ZC3H12B: variants seen among roughly 807,000 people sequenced by gnomAD.
ZC3H12B encodes the protein probable ribonuclease ZC3H12B.
ZC3H12B carries 7 observed loss-of-function variants against 43.9 expected under a neutral mutation model. That is an observed-to-expected ratio of 0.16 (90% CI 0.09 to 0.30). The LOEUF (loss-of-function observed/expected upper bound fraction) is 0.30. Among genes scored for constraint, ZC3H12B ranks in the 10% least tolerant of loss-of-function variants. The pLI is 1.00. For missense variants in ZC3H12B, 475 were observed against 670.2 expected, an observed-to-expected ratio of 0.71 and a Z score of 3.22; for synonymous variants, 222 against 241.7, an observed-to-expected ratio of 0.92 and a Z score of 0.76.
intron 2 of ZC3H12B, among the ~76,000 whole-genome samples, chrX:65,396,175 A>G (rs901066930): frequency 5.4e-5 from 6 of 111,243 alleles, no homozygotes; most frequent in Non-Finnish European, 7.5e-5. Flanking sequence ...TCATGTCTCT[A>G]TCTTCTTCAG....
chrX:65,232,062 C>A, the ZC3H12B span, among the ~76,000 whole-genome samples: 3 of 100,738 alleles, frequency 3.0e-5, no homozygotes, highest in African/African-American at 1.3e-4. Flanking sequence ...GGTGAAACCC[C>A]GTCTCTACTA....
the ZC3H12B span, among the ~76,000 whole-genome samples, chrX:65,119,881 T>C: frequency 4.5e-5 from 5 of 111,830 alleles, no homozygotes; most frequent in East Asian, 2.8e-4. Flanking sequence ...CCAGTTTTCC[T>C]AGCACCATTT....
the ZC3H12B span, among the ~76,000 whole-genome samples, chrX:65,070,998 T>G: frequency 9.2e-6 from 1 of 108,798 alleles, no homozygotes; most frequent in Admixed American, 9.9e-5. Flanking sequence ...GGTCCTGAAT[T>G]TTTTTGTTAT....
chrX:65,074,115 T>G, the ZC3H12B span, among the ~76,000 whole-genome samples: 1 of 111,972 alleles, frequency 8.9e-6, no homozygotes, highest in African/African-American at 3.2e-5. Flanking sequence ...TTTTCTATTA[T>G]CTTTTCATAT....
chrX:65,058,889 A>G, the ZC3H12B span, among the ~76,000 whole-genome samples: 1 of 112,035 alleles, frequency 8.9e-6, no homozygotes, highest in Non-Finnish European at 1.9e-5. Flanking sequence ...CGCGGGATAT[A>G]ATCTTCTGGT....
chrX:65,206,105 C>G, the ZC3H12B span, among the ~76,000 whole-genome samples: 1 of 111,970 alleles, frequency 8.9e-6, no homozygotes, highest in Admixed American at 9.5e-5. Flanking sequence ...TCTACAAATT[C>G]AATGCAATTT....
At chrX:65,192,330 G>A in the ZC3H12B span, among the ~76,000 whole-genome samples, 1 of 111,474 alleles carries the variant, frequency 9.0e-6, no homozygotes, top group Non-Finnish European at 1.9e-5. Context: ...ATTCCAATTT[G>A]GATACCCTTT....
the ZC3H12B span, among the ~76,000 whole-genome samples, chrX:65,158,932 C>G: frequency 1.8e-5 from 2 of 111,890 alleles, no homozygotes; most frequent in Non-Finnish European, 3.8e-5. Context: ...TTTAATCCAT[C>G]TTGAATAAAT....
the ZC3H12B span, among the ~76,000 whole-genome samples, chrX:65,195,840 G>A: frequency 1.8e-5 from 2 of 112,308 alleles, no homozygotes; most frequent in Non-Finnish European, 3.8e-5. Flanking sequence ...CAGGGAGTTG[G>A]CAGAAGTTTA....
chrX:65,111,482 A>G, the ZC3H12B span, among the ~76,000 whole-genome samples: 2 of 110,672 alleles, frequency 1.8e-5, no homozygotes, highest in Non-Finnish European at 3.8e-5. Context: ...GGATATATAT[A>G]TACTTTGTCT....
At chrX:65,332,430 G>A in the ZC3H12B span, among the ~76,000 whole-genome samples, 1 of 111,873 alleles carries the variant, frequency 8.9e-6, no homozygotes, top group African/African-American at 3.2e-5. Context: ...TACACAAAGA[G>A]TGCAACTGCA....
the ZC3H12B span, among the ~76,000 whole-genome samples, chrX:65,243,882 A>T: frequency 8.9e-6 from 1 of 112,188 alleles, no homozygotes; most frequent in African/African-American, 3.2e-5. Flanking sequence ...AGAAAGTCAG[A>T]TACTACTTAT....
intron 3 of ZC3H12B, among the ~76,000 whole-genome samples, chrX:65,462,508 TAAATA>T (rs1198163233): frequency 9.0e-6 from 1 of 111,669 alleles, no homozygotes; most frequent in African/African-American, 3.3e-5. Context: ...CTCAAAAAAA[TAAATA>T]AAATAAAATA....
At chrX:65,471,728 G>A (rs1368544510) in intron 3 of ZC3H12B, among the ~76,000 whole-genome samples, 4 of 110,946 alleles carry the variant, frequency 3.6e-5, no homozygotes, top group African/African-American at 9.8e-5. Flanking sequence ...TGGGATTACA[G>A]GGATAAGCCA....
the ZC3H12B span, among the ~76,000 whole-genome samples, chrX:65,343,668 A>G: frequency 8.9e-6 from 1 of 112,273 alleles, no homozygotes; most frequent in Non-Finnish European, 1.9e-5. Context: ...TTATTGAAAG[A>G]ACATACATGA....
the ZC3H12B span, among the ~76,000 whole-genome samples, chrX:65,301,353 G>C: frequency 9.0e-6 from 1 of 110,559 alleles, no homozygotes; most frequent in Non-Finnish European, 1.9e-5. Context: ...AGGAAAAGAA[G>C]TCATTATACA....
the ZC3H12B span, among the ~76,000 whole-genome samples, chrX:65,155,392 C>G: frequency 1.3e-4 from 15 of 111,426 alleles, no homozygotes; most frequent in Middle Eastern, 4.6e-3. Flanking sequence ...CCAGATTTTT[C>G]AAAGTAACAC....
the ZC3H12B span, among the ~76,000 whole-genome samples, chrX:65,323,632 T>C: frequency 8.9e-6 from 1 of 112,449 alleles, no homozygotes; most frequent in East Asian, 2.8e-4. Context: ...TTTGCTATTG[T>C]AAATAGTGCT....
chrX:65,121,521 T>C, the ZC3H12B span, among the ~76,000 whole-genome samples: 3 of 111,608 alleles, frequency 2.7e-5, no homozygotes, highest in Non-Finnish European at 5.6e-5. Flanking sequence ...TTTTATTCCG[T>C]CTATTTGATT....
Sources: gnomAD v4.1 joint callset for allele counts (sites outside exome capture counted in the v4.1 genomes callset) on GRCh38, gnomAD v4.1.1 for gene constraint, MANE v1.5 for transcripts, NCBI Gene and HGNC (gene_info 2026-07-23, HGNC 2026-07-21) for gene names.